MYRIP: variants seen among roughly 807,000 people sequenced by gnomAD.
MYRIP encodes the protein rab effector MyRIP.
MYRIP carries 49 observed loss-of-function variants against 98.0 expected under a neutral mutation model. The ratio of observed to expected loss-of-function variants is 0.50; its 90% CI spans 0.40 to 0.63. MYRIP has a LOEUF of 0.63. Ranked by LOEUF, MYRIP falls within the 30% of genes least tolerant of loss-of-function variation. MYRIP has a pLI of 0.00. For synonymous variants in MYRIP, 404 were observed against 409.5 expected (o/e 0.99, Z 0.16); for missense variants, 1,004 against 1,058.2 (o/e 0.95, Z 0.71).
At chr3:39,950,548 C>A (rs910253477) in intron 2 of MYRIP, among the ~76,000 whole-genome samples, 1 of 152,184 alleles carries the variant, frequency 6.6e-6, no homozygotes, top group Non-Finnish European at 1.5e-5. Flanking sequence ...TCTGTCACTT[C>A]AGTGTCAAAG....
chr3:39,970,924 C>T (rs1052963013), intron 2 of MYRIP, among the ~76,000 whole-genome samples: 2 of 151,898 alleles, frequency 1.3e-5, no homozygotes, highest in Non-Finnish European at 2.9e-5. Context: ...GCAACAACAA[C>T]AAAAAAGCAG....
intron 2 of MYRIP, among the ~76,000 whole-genome samples, chr3:39,955,655 A>G (rs1464089873): frequency 6.6e-6 from 1 of 152,230 alleles, no homozygotes; most frequent in African/African-American, 2.4e-5. Context: ...TCATAATGAC[A>G]GGACCAAATT....
At chr3:40,141,589 A>C (rs1230996349) in intron 3 of MYRIP, among the ~76,000 whole-genome samples, 1 of 152,136 alleles carries the variant, frequency 6.6e-6, no homozygotes, top group East Asian at 1.9e-4. Context: ...TCTCATGTTT[A>C]GTTCATTGAT....
chr3:40,124,943 T>G (rs1174164109), intron 3 of MYRIP, among the ~76,000 whole-genome samples: 1 of 152,202 alleles, frequency 6.6e-6, no homozygotes, highest in Non-Finnish European at 1.5e-5. Flanking sequence ...AGTGCAGTGG[T>G]GATGGACTCT....
intron 2 of MYRIP, among the ~76,000 whole-genome samples, chr3:39,941,450 C>A (rs921357115): frequency 6.6e-6 from 1 of 151,734 alleles, no homozygotes; most frequent in Non-Finnish European, 1.5e-5. Flanking sequence ...GACAAACATC[C>A]AAACTATATC....
chr3:40,054,660 T>C (rs1411281879), intron 3 of MYRIP, among the ~76,000 whole-genome samples: 5 of 152,156 alleles, frequency 3.3e-5, no homozygotes, highest in Non-Finnish European at 7.4e-5. Context: ...AAACTCAAGC[T>C]GCAACATCCA....
chr3:40,142,634 T>G (rs1949929610), intron 3 of MYRIP, among the ~76,000 whole-genome samples: 1 of 152,028 alleles, frequency 6.6e-6, no homozygotes, highest in Admixed American at 6.6e-5. Context: ...GATTTTTGTA[T>G]TTTTTGTAGA....
chr3:40,141,561 C>T (rs1316313944), intron 3 of MYRIP, among the ~76,000 whole-genome samples: 4 of 152,140 alleles, frequency 2.6e-5, no homozygotes, highest in Admixed American at 2.6e-4. Context: ...TTTCTTCTAA[C>T]ACTTTTATTA....
At chr3:39,943,296 A>G (rs989712103) in intron 2 of MYRIP, among the ~76,000 whole-genome samples, 6 of 152,186 alleles carry the variant, frequency 3.9e-5, no homozygotes, top group South Asian at 2.1e-4. Flanking sequence ...TCTATTTAAT[A>G]TTATTAAAGT....
At chr3:40,169,315 G>A (rs1474756133) in intron 7 of MYRIP, among the ~76,000 whole-genome samples, 2 of 152,132 alleles carry the variant, frequency 1.3e-5, no homozygotes, top group Non-Finnish European at 1.5e-5. Flanking sequence ...AAGGAACATT[G>A]GAGAATATGC....
chr3:40,045,293 A>G (rs1204174415), intron 3 of MYRIP, among the ~76,000 whole-genome samples: 1 of 152,138 alleles, frequency 6.6e-6, no homozygotes, highest in Non-Finnish European at 1.5e-5. Flanking sequence ...TACAAAATAT[A>G]TATATTCATA....
rs1251822286 is a variant in MYRIP at position 40,157,635 on chromosome 3, T to C, written c.470-5095T>C. 2.6e-3 allele frequency among the ~76,000 whole-genome samples: 380 copies of C among 147,728 alleles called. 1 individual carries two copies. Among genetic ancestry groups the C allele is most frequent in the African/African-American group, 8.6e-3 (344 of 40,022 alleles). On this transcript the variant is annotated intron_variant, in intron 4 of 16. Coordinates refer to ENST00000302541, the MANE Select transcript of MYRIP (RefSeq NM_015460.4). The stretch of plus-strand genomic sequence containing the variant: ...GAATCCATCTGGTCCTGGACTCTTT[T>C]TGGTTGGTAAGCTATTGATTATTGC...
At chr3:40,100,119 TTTCTGGCCATGAGGA>T (rs1948917371) in intron 3 of MYRIP, 9 of 985,328 alleles carry the variant, frequency 9.1e-6, no homozygotes, top group Non-Finnish European at 1.1e-5. Context: ...TGTCTGGGCT[TTTCTGGCCATGAGGA>T]CATGGAGTGA....
At chr3:40,186,618 C>T (rs371271596) in intron 9 of MYRIP, among the ~76,000 whole-genome samples, 3 of 152,184 alleles carry the variant, frequency 2.0e-5, no homozygotes, top group Non-Finnish European at 4.4e-5. Flanking sequence ...TGGGTACTTC[C>T]ACTCTGCCCC....
At chr3:39,915,507 A>C (rs1028097413) in intron 2 of MYRIP, among the ~76,000 whole-genome samples, 1 of 152,064 alleles carries the variant, frequency 6.6e-6, no homozygotes, top group African/African-American at 2.4e-5. Flanking sequence ...AATTATTTTC[A>C]TGGTGAGCTT....
intron 2 of MYRIP, among the ~76,000 whole-genome samples, chr3:39,980,186 A>C (rs1945855592): frequency 6.6e-6 from 1 of 152,166 alleles, no homozygotes; most frequent in African/African-American, 2.4e-5. Flanking sequence ...TCCGAATCTG[A>C]GGCAGGGGAA....
Position 39,900,834 on chromosome 3 carries a change from C to T in MYRIP, c.18C>T (p.Asp6=), listed in dbSNP as rs1468698444. 1 of 1,613,694 alleles carries T rather than the reference C, an allele frequency of 6.2e-7. No homozygotes were observed. The highest frequency in any genetic ancestry group is 1.7e-5 in the Admixed American group (1 of 59,980). The change falls in exon 2 of 17, where the codon GAC becomes GAT. Residue 6 remains aspartate, a synonymous_variant. Coordinates refer to ENST00000302541, the MANE Select transcript of MYRIP (RefSeq NM_015460.4). ...GAGTAACCATGGGGAGGAAGCTGGA[C>T]CTGTCTGGTTTGACTGATGATGAAA... MGRKL[D]LSGLTDDETE... is the part of the protein sequence containing the mutation.
intron 2 of MYRIP, among the ~76,000 whole-genome samples, chr3:39,969,725 G>A (rs6809068): frequency 0.47 from 70,852 of 151,874 alleles, 17,311 homozygotes; most frequent in African/African-American, 0.64. Context: ...TCTGTTTGCA[G>A]GTATTTTGTT....
chr3:40,207,263 C>T (rs1951812723), intron 10 of MYRIP, among the ~76,000 whole-genome samples: 1 of 152,158 alleles, frequency 6.6e-6, no homozygotes, highest in Admixed American at 6.5e-5. Flanking sequence ...GGTCTTGCTG[C>T]TTCTACATCA....
Sources: gnomAD v4.1 joint callset for allele counts (sites outside exome capture counted in the v4.1 genomes callset) on GRCh38, gnomAD v4.1.1 for gene constraint, MANE v1.5 for transcripts, NCBI Gene and HGNC (gene_info 2026-07-23, HGNC 2026-07-21) for gene names.